PTPRC: variants seen among roughly 807,000 people sequenced by gnomAD.
The protein encoded by PTPRC is receptor-type tyrosine-protein phosphatase C.
In PTPRC, 44 loss-of-function variants were observed where a neutral mutation model predicts 155.9. The ratio of observed to expected loss-of-function variants is 0.28; its 90% CI spans 0.22 to 0.36. The LOEUF (loss-of-function observed/expected upper bound fraction) is 0.36, where lower values mean the gene tolerates loss of function less well. PTPRC is among the 10% of genes least tolerant of loss of function. PTPRC has a pLI of 1.00. For synonymous variants in PTPRC, 525 were observed against 533.1 expected, an observed-to-expected ratio of 0.98 and a Z score of 0.21; for missense variants, 1,401 against 1,564.6, an observed-to-expected ratio of 0.90 and a Z score of 1.76.
At chr1:198,641,783 T>G (rs1391182732) in intron 2 of PTPRC, among the ~76,000 whole-genome samples, 3 of 152,032 alleles carry the variant, frequency 2.0e-5, no homozygotes, top group Non-Finnish European at 4.4e-5. Context: ...ATATGAGTTA[T>G]GGTATGTGAG....
intron 2 of PTPRC, among the ~76,000 whole-genome samples, chr1:198,656,448 G>A (rs866632228): frequency 6.6e-6 from 1 of 151,968 alleles, no homozygotes; most frequent in Non-Finnish European, 1.5e-5. Context: ...GACTTAAAAG[G>A]TATTGTTGCT....
chr1:198,744,346 G>T, intron 26 of PTPRC, 143 bp downstream of exon 26: 1 of 812,422 alleles, frequency 1.2e-6, no homozygotes, highest in Non-Finnish European at 2.0e-6. Context: ...AGAAAACTAG[G>T]ACACAGTGAG....
chr1:198,746,978 GA>G (rs750673190), intron 26 of PTPRC, among the ~76,000 whole-genome samples: 14 of 151,798 alleles, frequency 9.2e-5, no homozygotes, highest in Non-Finnish European at 1.9e-4. Context: ...GTACTATGCT[GA>G]AAAAATATAT....
intron 2 of PTPRC, among the ~76,000 whole-genome samples, chr1:198,681,054 G>T (rs1665294410): frequency 6.6e-6 from 1 of 152,180 alleles, no homozygotes; most frequent in Admixed American, 6.5e-5. Context: ...CAAATAGTAG[G>T]TATTCGGTAA....
intron 2 of PTPRC, among the ~76,000 whole-genome samples, chr1:198,650,089 T>C (rs989121868): frequency 2.6e-5 from 4 of 151,622 alleles, no homozygotes; most frequent in Non-Finnish European, 4.4e-5. Flanking sequence ...ACCAAACAAA[T>C]TGGTAGGTTC....
In PTPRC at chr1:198,639,295, C is replaced by T; in HGVS notation, c.27C>T (p.Leu9=). 2 of 1,613,402 alleles carry T rather than the reference C, an allele frequency of 1.2e-6. No homozygotes were observed. Among genetic ancestry groups the T allele is most frequent in the Non-Finnish European group, 1.7e-6 (2 of 1,179,502 alleles). MTMYLWLK[L]LAFGFAFLDT... ...TGACCATGTATTTGTGGCTTAAACT[C>T]TTGGCATTTGGCTTTGCCTTTCTGG... Residue 9 remains leucine (L), a synonymous_variant, in exon 2 of 33, where the codon CTC becomes CTT. Transcript: ENST00000442510.
chr1:198,708,285 G>T (rs776746067), intron 10 of PTPRC, 24 bp downstream of exon 10: 25 of 1,593,428 alleles, frequency 1.6e-5, no homozygotes, highest in African/African-American at 2.7e-5. Context: ...ATTGACCAGA[G>T]AATTTTTTTT....
chr1:198,645,155 A>G (rs1380072925), intron 2 of PTPRC, among the ~76,000 whole-genome samples: 2 of 151,848 alleles, frequency 1.3e-5, no homozygotes, highest in Non-Finnish European at 2.9e-5. Context: ...AACAGCTGGT[A>G]TAGCAAACTT....
intron 2 of PTPRC, among the ~76,000 whole-genome samples, chr1:198,678,039 G>A (rs531040350): frequency 1.3e-5 from 2 of 152,096 alleles, no homozygotes; most frequent in Non-Finnish European, 2.9e-5. Context: ...AAAGTGCCAA[G>A]AGGAAATGCA....
At chr1:198,710,889 C>G (rs1380275139) in intron 11 of PTPRC, among the ~76,000 whole-genome samples, 2 of 152,212 alleles carry the variant, frequency 1.3e-5, no homozygotes, top group Non-Finnish European at 2.9e-5. Context: ...GAGTCTCGCT[C>G]TGTTGCCCAG....
chr1:198,721,803 T>C (rs1653900346), intron 14 of PTPRC, among the ~76,000 whole-genome samples: 1 of 151,506 alleles, frequency 6.6e-6, no homozygotes, highest in African/African-American at 2.4e-5. Flanking sequence ...ATATTTATTA[T>C]TATTCTCTTT....
chr1:198,639,444 G>T, intron 2 of PTPRC, 103 bp downstream of exon 2: 1 of 887,410 alleles, frequency 1.1e-6, no homozygotes, highest in Non-Finnish European at 1.8e-6. Flanking sequence ...AACTGGAAGT[G>T]AGAAGCCTGC....
Position 198,755,982 on chromosome 1 carries a change from A to G in PTPRC, c.3722A>G (p.His1241Arg), listed in dbSNP as rs1385316390. 3 of 1,613,146 alleles carry G rather than the reference A, an allele frequency of 1.9e-6. No individual in the cohort carries two copies. The highest frequency in any genetic ancestry group is 1.3e-5 in the African/African-American group (1 of 74,846). Residue 1241 changes from histidine to arginine, a missense_variant, in exon 33 of 33, where the codon CAT becomes CGT. His to Arg is a conservative substitution (Grantham distance 29). Around this residue, in one of 3 missense-constraint regions of PTPRC, gnomAD observed 400 missense variants for 389.5 expected, o/e 1.03. Coordinates refer to ENST00000442510, the MANE Select transcript of PTPRC (RefSeq NM_002838.5). Reference sequence around the variant, plus strand: ...AATGGACAAGTAAAGAAAAACAACCATCAAGAAGATAAAATTGAATTTGAT... The same window carrying G: ...AATGGACAAGTAAAGAAAAACAACCGTCAAGAAGATAAAATTGAATTTGAT... ...AQNGQVKKNNHQEDKIEFDNE... is the reference protein window; with the variant it reads ...AQNGQVKKNNRQEDKIEFDNE...
intron 2 of PTPRC, among the ~76,000 whole-genome samples, chr1:198,676,969 C>T (rs1664990481): frequency 6.6e-6 from 1 of 152,084 alleles, no homozygotes; most frequent in Admixed American, 6.5e-5. Context: ...GATTTTGTGT[C>T]CTGATTCAGA....
chr1:198,752,389 G>A lies in PTPRC; in HGVS notation c.3330+18G>A, dbSNP rs771795346. On this transcript the variant is annotated intron_variant, in intron 30 of 32. Transcript: ENST00000442510. The stretch of plus-strand genomic sequence containing the variant: ...ATTCCAAGGTATGGAAACAATTTGG[G>A]GAGTATATTTCTTTGATATAATGGA... The A allele has an allele frequency of 1.2e-6, 2 of 1,611,724 alleles. No individual in the cohort carries two copies. The highest frequency in any genetic ancestry group is 1.7e-5 in the Admixed American group (1 of 59,810).
intron 14 of PTPRC, 66 bp from the exon 15 acceptor site, chr1:198,722,350 A>T: frequency 5.1e-6 from 2 of 393,494 alleles, no homozygotes; most frequent in Non-Finnish European, 7.7e-6. Context: ...GTGATATATA[A>T]TATATATATA....
chr1:198,717,076 T>C (rs933819378), intron 13 of PTPRC, among the ~76,000 whole-genome samples: 5 of 152,226 alleles, frequency 3.3e-5, no homozygotes, highest in Non-Finnish European at 5.9e-5. Context: ...AGCATCTTAA[T>C]TGGCATCAGT....
chr1:198,661,582 A>G (rs1036443918), intron 2 of PTPRC, among the ~76,000 whole-genome samples: 3 of 151,962 alleles, frequency 2.0e-5, no homozygotes, highest in African/African-American at 7.2e-5. Flanking sequence ...AAGAAAAATA[A>G]CTTCTTAGTA....
intron 2 of PTPRC, among the ~76,000 whole-genome samples, chr1:198,651,820 G>A (rs1663269151): frequency 6.6e-6 from 1 of 151,730 alleles, no homozygotes; most frequent in South Asian, 2.1e-4. Flanking sequence ...TTTAAATACA[G>A]TACTAAGGTT....
Sources: gnomAD v4.1 joint callset for allele counts (sites outside exome capture counted in the v4.1 genomes callset) on GRCh38, gnomAD v4.1.1 for gene constraint, gnomAD v4.1.1 regional missense constraint, MANE v1.5 for transcripts, NCBI Gene and HGNC (gene_info 2026-07-23, HGNC 2026-07-21) for gene names.